The following GALNT10 variants were observed in gnomAD, a reference collection of about 807,000 sequenced individuals.
GALNT10 encodes GalNAc transferase 10.
A neutral mutation model predicts 75.0 loss-of-function variants in GALNT10; 41 were observed. The ratio of observed to expected loss-of-function variants is 0.55; its 90% CI spans 0.43 to 0.71. The LOEUF is 0.71. GALNT10 is among the 30% of genes least tolerant of loss of function. GALNT10 has a pLI of 0.00. For missense variants in GALNT10, 727 were observed against 818.5 expected, an observed-to-expected ratio of 0.89 and a Z score of 1.36; for synonymous variants, 302 against 313.0, an observed-to-expected ratio of 0.96 and a Z score of 0.37.
chr5:154,208,218 G>C (rs957030266), intron 1 of GALNT10, among the ~76,000 whole-genome samples: 4 of 152,182 alleles, frequency 2.6e-5, no homozygotes, highest in Admixed American at 2.6e-4. Context: ...AAAAGGACAT[G>C]GTCTCGGCCC....
intron 3 of GALNT10, among the ~76,000 whole-genome samples, chr5:154,309,705 T>C (rs1482420054): frequency 6.6e-6 from 1 of 152,158 alleles, no homozygotes; most frequent in Non-Finnish European, 1.5e-5. Flanking sequence ...GAGATGGAGT[T>C]GCCATCTGCA....
chr5:154,343,305 TTTTTCAGTAGGGAAAC>T (rs1755063767), intron 4 of GALNT10, among the ~76,000 whole-genome samples: 1 of 152,026 alleles, frequency 6.6e-6, no homozygotes, highest in Admixed American at 6.5e-5. Context: ...AGTCCCCTCA[TTTTTCAGTAGGGAAAC>T]TGACACCCAG....
intron 4 of GALNT10, among the ~76,000 whole-genome samples, chr5:154,361,572 A>G (rs771246899): frequency 6.6e-6 from 1 of 152,188 alleles, no homozygotes; most frequent in Non-Finnish European, 1.5e-5. Context: ...CCTGAAAAAT[A>G]CTGGAGGCTC....
At chr5:154,370,086 G>GT (rs1235968337) in intron 4 of GALNT10, among the ~76,000 whole-genome samples, 1 of 152,232 alleles carries the variant, frequency 6.6e-6, no homozygotes, top group Non-Finnish European at 1.5e-5. Flanking sequence ...AACTATATCT[G>GT]AGTCCTATCT....
chr5:154,196,910 G>A (rs749928118), intron 1 of GALNT10, among the ~76,000 whole-genome samples: 1 of 152,156 alleles, frequency 6.6e-6, no homozygotes, highest in Non-Finnish European at 1.5e-5. Context: ...ATCTAGAGAA[G>A]AAGCCCACAA....
chr5:154,294,976 T>TTGTG lies in GALNT10; in HGVS notation c.262+88_262+91dup, dbSNP rs70978534. 3,106 of 610,288 alleles carry TTGTG rather than the reference T, an allele frequency of 5.1e-3. 11 individuals are homozygous for TTGTG. Among genetic ancestry groups the TTGTG allele is most frequent in the African/African-American group, 0.023 (1,210 of 52,296 alleles). The allele number at this position is 610,288 out of a possible 1,614,324, so 37.8% of individuals were successfully genotyped here. On this transcript the variant is annotated intron_variant, in intron 2 of 11. Coordinates refer to ENST00000297107, the MANE Select transcript of GALNT10 (RefSeq NM_198321.4). ...CTGTGAAGGGCATATGCACATATGC[T>TTGTG]TGTGTGTGTGTGTGTGTGTGTGTGT...
At chr5:154,242,905 C>G (rs1020987005) in intron 1 of GALNT10, among the ~76,000 whole-genome samples, 2 of 152,198 alleles carry the variant, frequency 1.3e-5, no homozygotes, top group African/African-American at 4.8e-5. Flanking sequence ...TCTCTTACAG[C>G]TTTGTTATTT....
chr5:154,320,949 T>G (rs1345799569), intron 3 of GALNT10, among the ~76,000 whole-genome samples: 4 of 152,198 alleles, frequency 2.6e-5, no homozygotes, highest in Admixed American at 6.5e-5. Context: ...TCCCACAGTT[T>G]CCCTTGGTGC....
At position 154,376,455 on chromosome 5, in the gene GALNT10, C is replaced by T. The variant is rs913470014; in HGVS notation, c.747C>T (p.Pro249=). The T allele has an allele frequency of 6.4e-7, 1 of 1,572,096 alleles. No individual in the cohort carries two copies. Among genetic ancestry groups the T allele is most frequent in the African/African-American group, 1.4e-5 (1 of 72,314 alleles). ...AAGCCAATGTCAACTGGCTTCCCCCCTTGCTTGGTAAGGGAGCCCCTCCCA... is the reference window on the plus strand; with the variant it reads ...AAGCCAATGTCAACTGGCTTCCCCCTTTGCTTGGTAAGGGAGCCCCTCCCA... ...HCEANVNWLP[P]LLDRIARNRK... is the part of the protein sequence containing the mutation. The change falls in exon 5 of 12, where the codon CCC becomes CCT. Residue 249 remains proline (P), a synonymous_variant. Coordinates refer to ENST00000297107, the MANE Select transcript of GALNT10 (RefSeq NM_198321.4). The surrounding 1 kb of genome is among the most constrained non-coding windows in gnomAD (Gnocchi z 4.1).
chr5:154,395,099 C>T (rs1400495834), intron 7 of GALNT10, among the ~76,000 whole-genome samples: 2 of 152,362 alleles, frequency 1.3e-5, no homozygotes, highest in South Asian at 2.1e-4. Context: ...CTAACCAGCA[C>T]ACACCTACCT....
At chr5:154,193,772 C>T (rs1348413287) in intron 1 of GALNT10, among the ~76,000 whole-genome samples, 2 of 152,182 alleles carry the variant, frequency 1.3e-5, no homozygotes, top group Admixed American at 6.5e-5. Context: ...GATTAAAGAA[C>T]GGAGTTTCAA....
intron 1 of GALNT10, among the ~76,000 whole-genome samples, chr5:154,214,989 AT>A (rs1241965434): frequency 8.5e-5 from 13 of 152,312 alleles, no homozygotes; most frequent in African/African-American, 2.9e-4. Flanking sequence ...CATGGGAAAC[AT>A]GCTTTGTAAA....
At chr5:154,263,637 A>AT (rs1358862477) in intron 1 of GALNT10, among the ~76,000 whole-genome samples, 1 of 152,164 alleles carries the variant, frequency 6.6e-6, no homozygotes, top group Non-Finnish European at 1.5e-5. Context: ...GCAGTGGCAG[A>AT]TTCAGTGTCT....
rs70978542 is a variant in GALNT10, at chr5:154,416,480, TACAC to T, written c.1654-299_1654-296del. Among the ~76,000 whole-genome samples, 4,596 of 141,894 alleles carry T rather than the reference TACAC, an allele frequency of 0.032. 83 individuals are homozygous for T. The highest frequency in any genetic ancestry group is 0.068 in the South Asian group (286 of 4,190). 93.1% of individuals were successfully genotyped at this position (141,894 alleles called of 152,430 possible). A position where few individuals can be genotyped will look rare whatever the true frequency, so the allele number is the denominator to read the frequency against. On this transcript the variant is annotated intron_variant, in intron 11 of 11. Transcript: ENST00000297107. This position sits in a 1 kb window ranked among gnomAD's most constrained non-coding sequence, Gnocchi z 4.5. The stretch of plus-strand genomic sequence containing the variant: ...AAATAAAAGATAAAAGGAAAGCACA[TACAC>T]ACACACACACACACACACACACACA...
chr5:154,326,332 T>C (rs7700258), intron 3 of GALNT10, among the ~76,000 whole-genome samples: 8,947 of 152,210 alleles, frequency 0.059, 812 homozygotes, highest in African/African-American at 0.2. Flanking sequence ...CTTTGGAAAA[T>C]CATTTGACAG....
chr5:154,329,147 A>T (rs1329566553), intron 3 of GALNT10, among the ~76,000 whole-genome samples: 1 of 152,202 alleles, frequency 6.6e-6, no homozygotes, highest in East Asian at 1.9e-4. Context: ...CAAAGACGAA[A>T]TATTAGAACA....
chr5:154,211,924 T>C (rs1407225941), intron 1 of GALNT10, among the ~76,000 whole-genome samples: 1 of 152,168 alleles, frequency 6.6e-6, no homozygotes, highest in Non-Finnish European at 1.5e-5. Context: ...TCCAAAGCTA[T>C]ATATCATGAT....
At chr5:154,351,495 C>T (rs1440561061) in intron 4 of GALNT10, among the ~76,000 whole-genome samples, 2 of 152,172 alleles carry the variant, frequency 1.3e-5, no homozygotes, top group Non-Finnish European at 2.9e-5. Context: ...TCCAAATTTT[C>T]TACAATGCAA....
At position 154,350,742 on chromosome 5, in the gene GALNT10, C is replaced by T. The variant is rs559977362; in HGVS notation, c.568+21004C>T. 5.9e-5 allele frequency among the ~76,000 whole-genome samples: 9 copies of T among 152,270 alleles called. No homozygotes were observed. The South Asian group carries it at 6.2e-4, about 11-fold the overall frequency. On this transcript the variant is annotated intron_variant, in intron 4 of 11. Transcript: ENST00000297107. ...GATGTTCACAGTTGCTTCTTGTGAG[C>T]CTGTGCAAGCTCGCTCCCGCACACC...
Sources: gnomAD v4.1 joint callset for allele counts (sites outside exome capture counted in the v4.1 genomes callset) on GRCh38, gnomAD v4.1.1 for gene constraint, Gnocchi (gnomAD v3.1) non-coding constraint, MANE v1.5 for transcripts, NCBI Gene and HGNC (gene_info 2026-07-23, HGNC 2026-07-21) for gene names.